Variants in SRC observed in about 807,000 individuals in gnomAD.
SRC encodes proto-oncogene tyrosine-protein kinase Src.
SRC carries 13 observed loss-of-function variants against 62.9 expected under a neutral mutation model. That is an observed-to-expected ratio of 0.21 (90% CI 0.13 to 0.33). SRC has a LOEUF of 0.33. Among genes scored for constraint, SRC ranks in the 10% least tolerant of loss-of-function variants. The probability of loss-of-function intolerance (pLI) is 1.00; values close to 1 mark genes in which losing one functional copy is unlikely to be tolerated. For missense variants in SRC, 457 were observed against 737.3 expected, an observed-to-expected ratio of 0.62 and a Z score of 4.40; for synonymous variants, 302 against 317.5, an observed-to-expected ratio of 0.95 and a Z score of 0.52.
chr20:37,354,810 C>T lies in SRC; in HGVS notation c.-247+8555C>T, dbSNP rs185653429. 3.9e-5 allele frequency among the ~76,000 whole-genome samples: 6 copies of T among 152,328 alleles called. No homozygotes were observed. The East Asian group carries it at 7.7e-4, about 20-fold the overall frequency. ...TGCCTGCCTTTGCTGCCGCGTGCCC[C>T]GGGTGGTGGCTTCTCTTTCTGAGCC... On this transcript the variant is annotated intron_variant, in intron 1 of 13. Coordinates refer to ENST00000373578, the MANE Select transcript of SRC (RefSeq NM_198291.3).
At chr20:37,394,136 T>C (rs6018257) in intron 6 of SRC, 38 bp from the exon 7 acceptor site, 206,349 of 1,594,328 alleles carry the variant, frequency 0.13, 19,066 homozygotes, top group African/African-American at 0.48. Flanking sequence ...GGCAGAAGCC[T>C]GGACAGTCAG....
chr20:37,400,128 T>C lies in SRC; in HGVS notation c.873T>C (p.Gly291=). 1 of 1,609,714 alleles carries C rather than the reference T, an allele frequency of 6.2e-7. No individual in the cohort carries two copies. The highest frequency in any genetic ancestry group is 8.5e-7 in the Non-Finnish European group (1 of 1,177,962). Reference sequence around the variant, plus strand: ...CCTCCTCAACAGGGACCTGGAACGGTACCACCAGGGTGGCCATCAAAACCC... The same window carrying C: ...CCTCCTCAACAGGGACCTGGAACGGCACCACCAGGGTGGCCATCAAAACCC... The part of the protein sequence containing the change: ...FGEVWMGTWN[G]TTRVAIKTLK... The change falls in exon 10 of 14, where the codon GGT becomes GGC. Residue 291 remains glycine, a synonymous_variant. Transcript: ENST00000373578.
At chr20:37,350,511 T>A (rs2069786327) in intron 1 of SRC, among the ~76,000 whole-genome samples, 4 of 152,156 alleles carry the variant, frequency 2.6e-5, no homozygotes, top group Admixed American at 2.0e-4. Flanking sequence ...GTGTCGCTGT[T>A]CCTGGGGGAG....
chr20:37,379,333 G>A (rs1037824057), intron 2 of SRC, among the ~76,000 whole-genome samples: 9 of 152,186 alleles, frequency 5.9e-5, no homozygotes, highest in Admixed American at 4.6e-4. Flanking sequence ...AGATGAGGGG[G>A]GTTGGCCCCT....
chr20:37,400,735 G>A (rs2070724436), intron 10 of SRC, among the ~76,000 whole-genome samples: 1 of 152,108 alleles, frequency 6.6e-6, no homozygotes, highest in Non-Finnish European at 1.5e-5. Context: ...GTTTACATAT[G>A]ATAAAATACA....
chr20:37,386,031 G>A, intron 4 of SRC, 44 bp from the exon 5 acceptor site: 1 of 1,522,824 alleles, frequency 6.6e-7, no homozygotes, highest in South Asian at 1.1e-5. Flanking sequence ...TGCCTTCCCT[G>A]GCTGTGGCCC....
At chr20:37,389,492 C>T (rs1255496164) in intron 5 of SRC, among the ~76,000 whole-genome samples, 3 of 152,212 alleles carry the variant, frequency 2.0e-5, no homozygotes, top group Admixed American at 2.0e-4. Context: ...CCCTGCCTCG[C>T]TCCTCCCTCA....
At chr20:37,371,684 TTTC>T (rs1391245024) in intron 2 of SRC, among the ~76,000 whole-genome samples, 1 of 152,162 alleles carries the variant, frequency 6.6e-6, no homozygotes, top group Non-Finnish European at 1.5e-5. Context: ...ATTTGAAATC[TTTC>T]TTATTTTTAT....
intron 2 of SRC, among the ~76,000 whole-genome samples, chr20:37,375,634 C>T (rs2070264353): frequency 1.3e-5 from 2 of 152,138 alleles, no homozygotes; most frequent in Non-Finnish European, 2.9e-5. Context: ...CTCAGCCTCC[C>T]AAAGTGCTGG....
chr20:37,366,736 T>C (rs1434592405), intron 2 of SRC, among the ~76,000 whole-genome samples: 1 of 152,230 alleles, frequency 6.6e-6, no homozygotes, highest in Non-Finnish European at 1.5e-5. Flanking sequence ...CCAAATAATA[T>C]TCTATCATAT....
chr20:37,396,696 A>G lies in SRC; in HGVS notation c.703+385A>G. Reference sequence around the variant, plus strand: ...ACCGGTCTGAACCGGTTGCTGGGAGAGGAGGAGGGGGCGGCCAGATCGATT... The same window carrying G: ...ACCGGTCTGAACCGGTTGCTGGGAGGGGAGGAGGGGGCGGCCAGATCGATT... On this transcript the variant is annotated intron_variant, in intron 8 of 13. Coordinates refer to ENST00000373578, the MANE Select transcript of SRC (RefSeq NM_198291.3). This position sits in a 1 kb window ranked among gnomAD's most constrained non-coding sequence, Gnocchi z 6.1. 1 of 206,168 alleles carries G rather than the reference A, an allele frequency of 4.9e-6. No individual in the cohort carries two copies. The highest frequency in any genetic ancestry group is 9.8e-6 in the Non-Finnish European group (1 of 101,676). 12.8% of individuals were successfully genotyped at this position (206,168 alleles called of 1,614,324 possible). A position where few individuals can be genotyped will look rare whatever the true frequency, so the allele number is the denominator to read the frequency against.
At position 37,402,984 on chromosome 20, in the gene SRC, CAAA is replaced by C. The variant is rs1356775272; in HGVS notation, c.1402+105_1402+107del. 6 of 1,468,850 alleles carry C rather than the reference CAAA, an allele frequency of 4.1e-6. No homozygotes were observed. The highest frequency in any genetic ancestry group is 4.5e-6 in the Non-Finnish European group (5 of 1,099,522). The allele number at this position is 1,468,850 out of a possible 1,614,324, so 91.0% of individuals were successfully genotyped here. A position where few individuals can be genotyped will look rare whatever the true frequency, so the allele number is the denominator to read the frequency against. ...TGGGCCTGTTTCCCCACCCGTAAAA[CAAA>C]GAAGTTGAGCGTCTGATGTTAGGCT... On this transcript the variant is annotated intron_variant, in intron 13 of 13. Coordinates refer to ENST00000373578, the MANE Select transcript of SRC (RefSeq NM_198291.3). This position sits in a 1 kb window ranked among gnomAD's most constrained non-coding sequence, Gnocchi z 6.2.
In SRC at chr20:37,403,362, C is replaced by A; in HGVS notation, c.1594C>A (p.Pro532Thr). Residue 532 changes from proline to threonine, a missense_variant, in exon 14 of 14, where the codon CCC becomes ACC. Pro to Thr is a conservative substitution (Grantham distance 38). This residue lies in a region of SRC where 168 missense variants were observed against 357.8 expected (regional missense o/e 0.47). Coordinates refer to ENST00000373578, the MANE Select transcript of SRC (RefSeq NM_198291.3). The surrounding 1 kb of genome is among the most constrained non-coding windows in gnomAD (Gnocchi z 7.1). ...CACGTCCACCGAGCCCCAGTACCAG[C>A]CCGGGGAGAACCTCTAGGCACAGGC... ...YFTSTEPQYQPGENL is the reference protein window; with the variant it reads ...YFTSTEPQYQTGENL 6.2e-7 allele frequency: 1 copy of A among 1,604,098 alleles called. No homozygotes were observed.
chr20:37,373,097 T>G (rs897857432), intron 2 of SRC, among the ~76,000 whole-genome samples: 11 of 139,878 alleles, frequency 7.9e-5, no homozygotes, highest in Admixed American at 1.3e-4. Flanking sequence ...TATAAATACA[T>G]ATACACATAT....
intron 2 of SRC, among the ~76,000 whole-genome samples, chr20:37,369,054 A>G (rs911174102): frequency 6.6e-6 from 1 of 152,216 alleles, no homozygotes. Flanking sequence ...CCACTGGTTT[A>G]TAAGTCTACA....
intron 2 of SRC, among the ~76,000 whole-genome samples, chr20:37,377,658 G>A (rs555367054): frequency 2.6e-5 from 4 of 152,368 alleles, no homozygotes; most frequent in African/African-American, 9.6e-5. Context: ...TGTGGACCCA[G>A]GTGATGGCTT....
chr20:37,386,531 G>A, intron 5 of SRC: 1 of 707,784 alleles, frequency 1.4e-6, no homozygotes, highest in South Asian at 1.5e-5. Flanking sequence ...GCGGGGGGTG[G>A]GGGCTGCTGT....
At chr20:37,374,490 T>G (rs755207396) in intron 2 of SRC, among the ~76,000 whole-genome samples, 5 of 152,180 alleles carry the variant, frequency 3.3e-5, no homozygotes, top group Admixed American at 6.5e-5. Flanking sequence ...TTTACTTAAT[T>G]TGCTTTTGGT....
At chr20:37,346,654 C>A (rs893374883) in intron 1 of SRC, among the ~76,000 whole-genome samples, 2 of 151,662 alleles carry the variant, frequency 1.3e-5, no homozygotes. Context: ...CGGCCCTGCG[C>A]CCCCCGGCCC....
Sources: allele counts gnomAD v4.1 joint callset (sites outside exome capture counted in the v4.1 genomes callset), GRCh38; gene constraint gnomAD v4.1.1; regional missense constraint gnomAD v4.1.1; non-coding constraint Gnocchi (gnomAD v3.1); transcripts MANE v1.5; gene names NCBI Gene and HGNC (gene_info 2026-07-23, HGNC 2026-07-21).